TTN: variants seen among roughly 807,000 people sequenced by gnomAD.
TTN encodes the protein titin.
In TTN, 1,525 loss-of-function variants were observed where a neutral mutation model predicts 3,223.0. The observed-to-expected ratio is 0.47, with a 90% CI of 0.45 to 0.49. TTN has a LOEUF of 0.49. TTN is among the 20% of genes least tolerant of loss of function. The pLI, the probability that TTN is intolerant of heterozygous loss-of-function variation, is 0.00. For synonymous variants in TTN, 14,094 were observed against 15,161.0 expected, an observed-to-expected ratio of 0.93 and a Z score of 5.17; for missense variants, 40,786 against 43,424.0, an observed-to-expected ratio of 0.94 and a Z score of 5.40.
chr2:178,761,871 A>T (rs2089291534), intron 43 of TTN, among the ~76,000 whole-genome samples: 1 of 152,206 alleles, frequency 6.6e-6, no homozygotes, highest in South Asian at 2.1e-4. Flanking sequence ...GCTAGCTGTC[A>T]CTCTGTAAGC....
intron 46 of TTN, 41 bp downstream of exon 46, chr2:178,756,181 G>A: frequency 7.0e-7 from 1 of 1,420,404 alleles, no homozygotes; most frequent in South Asian, 1.3e-5. Context: ...ATAAAGCGAT[G>A]AGGATGAAAT....
intron 117 of TTN, 54 bp downstream of exon 117, chr2:178,694,545 A>G: frequency 7.4e-7 from 1 of 1,358,016 alleles, no homozygotes; most frequent in South Asian, 1.3e-5. Flanking sequence ...ACACATGTCC[A>G]TACACATAAA....
chr2:178,624,647 C>T lies in TTN; in HGVS notation c.44633G>A (p.Arg14878Lys), dbSNP rs1456271454. The T allele has an allele frequency of 6.2e-7, 1 of 1,612,452 alleles. No homozygotes were observed. The highest frequency in any genetic ancestry group is 1.3e-5 in the African/African-American group (1 of 74,832). ...ATAVLECEVS[R>K]ENAKVKWFKN... is the part of the protein sequence containing the mutation. ...GAACCATTTCACCTTAGCATTTTCTCTGGAGACTTCACACTCCAGCACTGC... is the reference window on the plus strand; with the variant it reads ...GAACCATTTCACCTTAGCATTTTCTTTGGAGACTTCACACTCCAGCACTGC... The change falls in exon 242 of 363, where the codon AGA (arginine) becomes AAA (lysine). Residue 14878 changes from arginine (R) to lysine (K), a missense_variant. Coordinates refer to ENST00000589042, the MANE Select transcript of TTN (RefSeq NM_001267550.2).
Position 178,605,246 on chromosome 2 carries a change from T to G in TTN, c.53931A>C (p.Lys17977Asn). The G allele has an allele frequency of 6.2e-7, 1 of 1,608,028 alleles. No homozygotes were observed. Among genetic ancestry groups the G allele is most frequent in the Non-Finnish European group, 8.5e-7 (1 of 1,177,064 alleles). Residue 17977 changes from lysine (K) to asparagine (N), a missense_variant, in exon 280 of 363, where the codon AAA becomes AAC. Lys to Asn is a moderately conservative substitution (Grantham distance 94). Transcript: ENST00000589042. The stretch of plus-strand genomic sequence containing the variant: ...TGTGGACAGGCTCTCCTGCCTTAAC[T>G]TTGATAGTGTCTCCTCGAACACTCA... ...LRLSVRGDTIKVKAGEPVHIP... is the reference protein window; with the variant it reads ...LRLSVRGDTINVKAGEPVHIP...
At chr2:178,778,119 C>T in intron 24 of TTN, 144 bp from the exon 25 acceptor site, 2 of 1,017,104 alleles carry the variant, frequency 2.0e-6, no homozygotes, top group Non-Finnish European at 2.9e-6. Flanking sequence ...TCATTCAGAT[C>T]TAAAATAGAA....
intron 53 of TTN, 23 bp downstream of exon 53, chr2:178,733,591 G>A: frequency 6.3e-7 from 1 of 1,598,192 alleles, no homozygotes; most frequent in Non-Finnish European, 8.5e-7. Context: ...AGCAATTTGA[G>A]GTTTAAATGT....
Position 178,579,721 on chromosome 2 carries a change from A to G in TTN, c.67476T>C (p.Thr22492=), listed in dbSNP as rs778062994. 1 of 1,613,272 alleles carries G rather than the reference A, an allele frequency of 6.2e-7. No homozygotes were observed. Reference sequence around the variant, plus strand: ...TAACTCGTTGCCACTTATTTTCTTCAGTCAGGAAATCAACTACATATCCAA... The same window carrying G: ...TAACTCGTTGCCACTTATTTTCTTCGGTCAGGAAATCAACTACATATCCAA... ...RIIGYVVDFL[T]EENKWQRVMK... is the part of the protein sequence containing the mutation. Residue 22492 remains threonine (T), a synonymous_variant, in exon 319 of 363, where the codon ACT becomes ACC. Transcript: ENST00000589042.
chr2:178,745,537 G>T (rs1166507098), intron 47 of TTN: 3 of 1,606,354 alleles, frequency 1.9e-6, no homozygotes, highest in Admixed American at 1.7e-5. Context: ...AAATATGAAA[G>T]CACTCAGATC....
chr2:178,683,906 CT>C (rs577865235), intron 133 of TTN, 92 bp downstream of exon 133: 136 of 893,758 alleles, frequency 1.5e-4, no homozygotes, highest in Middle Eastern at 6.1e-4. Context: ...TATACTATGT[CT>C]TTTTTTTTCT....
chr2:178,587,015 C>A, intron 307 of TTN, 103 bp downstream of exon 307: 1 of 1,492,050 alleles, frequency 6.7e-7, no homozygotes, highest in South Asian at 1.2e-5. Flanking sequence ...TCGGTCTCTA[C>A]AAATGAAATC....
At position 178,547,840 on chromosome 2, in the gene TTN, C is replaced by T. The variant is rs188027020; in HGVS notation, c.93786G>A (p.Val31262=). Residue 31262 remains valine (V), a synonymous_variant, in exon 339 of 363, where the codon GTG becomes GTA. Coordinates refer to ENST00000589042, the MANE Select transcript of TTN (RefSeq NM_001267550.2). ...EEMRLKETDR[V]SITTTKDRTT... is the part of the protein sequence containing the mutation. ...TTCTGTCTTTTGTTGTTGTAATGCTCACTCGATCTGTCTCTTTAAGTCTCA... is the reference window on the plus strand; with the variant it reads ...TTCTGTCTTTTGTTGTTGTAATGCTTACTCGATCTGTCTCTTTAAGTCTCA... 1.2e-6 allele frequency: 2 copies of T among 1,613,908 alleles called. No individual in the cohort carries two copies. The highest frequency in any genetic ancestry group is 3.3e-5 in the Admixed American group (2 of 60,000).
At chr2:178,699,381 CTCTTTTTTTTTTTTTTTTT>C (rs2074373913) in intron 111 of TTN, among the ~76,000 whole-genome samples, 1 of 73,404 alleles carries the variant, frequency 1.4e-5, no homozygotes, top group Non-Finnish European at 3.0e-5. Context: ...ATAAATAACA[CTCTTTTTTTTTTTTTTTTT>C]TTTTTTTTTT....
Position 178,573,666 on chromosome 2 carries a change from C to T in TTN, c.72466G>A (p.Asp24156Asn), listed in dbSNP as rs1709040632. The T allele has an allele frequency of 6.6e-7, 1 of 1,514,940 alleles. No individual in the cohort carries two copies. Among genetic ancestry groups the T allele is most frequent in the African/African-American group, 1.4e-5 (1 of 71,672 alleles). The allele number at this position is 1,514,940 out of a possible 1,614,324, so 93.8% of individuals were successfully genotyped here. The change falls in exon 326 of 363, where the codon GAT becomes AAT. Residue 24156 changes from aspartate to asparagine, a missense_variant. Asp to Asn is a conservative substitution (Grantham distance 23, BLOSUM62 1). Transcript: ENST00000589042. ...PPLDDGGAKI[D>N]HYIVQKRETS... ...TCACGTTTCTGTACTATGTAATGAT[C>T]AATTTTGGCACCTCCATCATCCAGT...
intron 9 of TTN, 59 bp from the exon 10 acceptor site, chr2:178,792,256 T>C (rs975756236): frequency 2.0e-6 from 3 of 1,527,022 alleles, no homozygotes; most frequent in Non-Finnish European, 2.7e-6. Flanking sequence ...AATAATATGG[T>C]GTTTATTAAA....
Position 178,731,446 on chromosome 2 carries a change from C to T in TTN, c.17320G>A (p.Asp5774Asn), listed in dbSNP as rs752660722. 43 of 1,613,612 alleles carry T rather than the reference C, an allele frequency of 2.7e-5. No homozygotes were observed. The highest frequency in any genetic ancestry group is 4.5e-5 in the East Asian group (2 of 44,862). ...LKDSDEITEDDNIRMTFENNV... is the reference protein window; with the variant it reads ...LKDSDEITEDNNIRMTFENNV... ...TTCTCAAAGGTCATTCTTATATTAT[C>T]GTCTTCAGTGATTTCATCGCTGTCT... is the stretch of plus-strand genomic sequence containing the variant. The change falls in exon 59 of 363, where the codon GAT becomes AAT. Residue 5774 changes from aspartate (D) to asparagine (N), a missense_variant. Coordinates refer to ENST00000589042, the MANE Select transcript of TTN (RefSeq NM_001267550.2).
Position 178,618,925 on chromosome 2 carries a change from T to C in TTN, c.46697-72A>G, listed in dbSNP as rs550670594. 9.0e-4 allele frequency: 1,380 copies of C among 1,535,794 alleles called. 3 individuals are homozygous for C. Among genetic ancestry groups the C allele is most frequent in the Non-Finnish European group, 1.1e-3 (1,316 of 1,147,972 alleles). ...CCAAGCTACATCATGTTATTATGCA[T>C]TTATTAGAAAATATTGGTTACATAA... On this transcript the variant is annotated intron_variant, in intron 250 of 362. Coordinates refer to ENST00000589042, the MANE Select transcript of TTN (RefSeq NM_001267550.2).
At chr2:178,713,047 T>C (rs968554559) in intron 93 of TTN, 38 bp downstream of exon 93, 1 of 1,606,172 alleles carries the variant, frequency 6.2e-7, no homozygotes, top group South Asian at 1.1e-5. Context: ...CTTAATAAAC[T>C]ATGAAATGCA....
In TTN at chr2:178,620,365, T is replaced by C. The variant is rs879033914; in HGVS notation, c.46156A>G (p.Ile15386Val). The change falls in exon 248 of 363, where the codon ATC becomes GTC. Residue 15386 changes from isoleucine (I) to valine (V), a missense_variant. Transcript: ENST00000589042. ...GQDKSVAELL[I>V]IEAPTEFVEH... is the part of the protein sequence containing the mutation. ...ACAAATTCTGTCGGGGCTTCTATGA[T>C]GAGAAGCTCAGCAACAGATTTATCT... is the stretch of plus-strand genomic sequence containing the variant. 3 of 1,610,222 alleles carry C rather than the reference T, an allele frequency of 1.9e-6. No homozygotes were observed. The highest frequency in any genetic ancestry group is 2.5e-6 in the Non-Finnish European group (3 of 1,177,920).
At position 178,539,743 on chromosome 2, in the gene TTN, G is replaced by T. The variant is rs767435784; in HGVS notation, c.98322C>A (p.Asp32774Glu). 6.2e-7 allele frequency: 1 copy of T among 1,613,736 alleles called. No individual in the cohort carries two copies. ...EADRGDSGTY[D>E]LVLENKCGKK... The stretch of plus-strand genomic sequence containing the variant: ...TGCCACATTTATTTTCCAGAACCAG[G>T]TCATAAGTGCCAGAATCACCCCTGT... Residue 32774 changes from aspartate to glutamate, a missense_variant, in exon 352 of 363, where the codon GAC (aspartate) becomes GAA (glutamate). Physicochemically the swap from Asp to Glu is conservative, Grantham distance 45. Transcript: ENST00000589042.
Sources: gnomAD v4.1 joint callset for allele counts (sites outside exome capture counted in the v4.1 genomes callset) on GRCh38, gnomAD v4.1.1 for gene constraint, MANE v1.5 for transcripts, NCBI Gene and HGNC (gene_info 2026-07-23, HGNC 2026-07-21) for gene names.